The following GUCY2F variants were observed in gnomAD, a reference collection of about 807,000 sequenced individuals.
GUCY2F encodes the protein guanylate cyclase 2F, retinal.
In GUCY2F, 61 loss-of-function variants were observed where a neutral mutation model predicts 73.1. That is an observed-to-expected ratio of 0.83 (90% confidence interval 0.68 to 1.03). The LOEUF is 1.03. GUCY2F is among the 50% of genes least tolerant of loss of function. The pLI, the probability that GUCY2F is intolerant of heterozygous loss-of-function variation, is 0.00. For missense variants in GUCY2F, 912 were observed against 854.3 expected (o/e 1.07, Z -0.84); for synonymous variants, 331 against 307.8 (o/e 1.08, Z -0.79).
At chrX:109,477,237 C>G (rs913735850) in intron 1 of GUCY2F, among the ~76,000 whole-genome samples, 4 of 111,316 alleles carry the variant, frequency 3.6e-5, no homozygotes, top group African/African-American at 6.5e-5. Flanking sequence ...AACTTGGTGA[C>G]TGACAAGATA....
chrX:109,384,298 G>A (rs1417782617), intron 16 of GUCY2F, among the ~76,000 whole-genome samples: 1 of 111,926 alleles, frequency 8.9e-6, no homozygotes, highest in African/African-American at 3.2e-5. Context: ...CCCTTCTAAG[G>A]GCTTAAGTGG....
chrX:109,413,235 C>G (rs1003672306), intron 8 of GUCY2F, among the ~76,000 whole-genome samples: 1 of 111,600 alleles, frequency 9.0e-6, no homozygotes, highest in Non-Finnish European at 1.9e-5. Flanking sequence ...TCTGGACAAC[C>G]CCAGGATGCA....
intron 9 of GUCY2F, among the ~76,000 whole-genome samples, chrX:109,408,242 C>A (rs1288131099): frequency 8.9e-6 from 1 of 112,195 alleles, no homozygotes; most frequent in African/African-American, 3.2e-5. Flanking sequence ...CACTGGATTT[C>A]GGACTTGCAT....
chrX:109,481,108 G>A (rs2300110), intron 1 of GUCY2F, among the ~76,000 whole-genome samples: 2,807 of 43,496 alleles, frequency 0.065, 52 homozygotes, highest in Non-Finnish European at 0.083. Flanking sequence ...GGAAGGAAGG[G>A]AGGGAGGGAG....
Position 109,475,969 on chromosome X carries a change from A to T in GUCY2F, c.-33T>A. The T allele has an allele frequency of 8.7e-7, 1 of 1,154,373 alleles. No individual in the cohort carries two copies. The highest frequency in any genetic ancestry group is 1.2e-6 in the Non-Finnish European group (1 of 864,638). ...CTGCTTCCAGCAAGCTAATGACGAG[A>T]TACTGGAGAGTTATTCTGCTTTCCC... On this transcript the variant is annotated 5_prime_UTR_variant, in exon 2 of 20. Transcript: ENST00000218006.
At chrX:109,407,786 G>A (rs1400881461) in intron 9 of GUCY2F, among the ~76,000 whole-genome samples, 2 of 113,479 alleles carry the variant, frequency 1.8e-5, no homozygotes, top group Non-Finnish European at 3.7e-5. Flanking sequence ...ATGTGGTGTT[G>A]AGCCTGCAGG....
At chrX:109,449,935 A>G (rs971176212) in intron 5 of GUCY2F, among the ~76,000 whole-genome samples, 32 of 111,006 alleles carry the variant, frequency 2.9e-4, no homozygotes, top group African/African-American at 9.2e-4. Context: ...CAATCAAAAC[A>G]TACAGAAAAG....
intron 2 of GUCY2F, among the ~76,000 whole-genome samples, chrX:109,472,577 A>T (rs1932597046): frequency 1.8e-5 from 2 of 112,022 alleles, no homozygotes; most frequent in African/African-American, 6.5e-5. Flanking sequence ...AGTTGAGAGG[A>T]GCTGGAAAAT....
At chrX:109,420,283 AAG>A (rs1365235113) in intron 8 of GUCY2F, among the ~76,000 whole-genome samples, 20 of 100,390 alleles carry the variant, frequency 2.0e-4, no homozygotes, top group Admixed American at 3.3e-4. Flanking sequence ...GGGAGGGGGA[AAG>A]AGAGAGAGAG....
At chrX:109,403,239 C>T (rs1930890150) in intron 10 of GUCY2F, among the ~76,000 whole-genome samples, 1 of 111,265 alleles carries the variant, frequency 9.0e-6, no homozygotes, top group African/African-American at 3.3e-5. Context: ...CACCCACCCC[C>T]ATCTCAGATT....
intron 6 of GUCY2F, among the ~76,000 whole-genome samples, chrX:109,443,530 T>C (rs1931923879): frequency 9.0e-6 from 1 of 111,650 alleles, no homozygotes; most frequent in Admixed American, 9.5e-5. Flanking sequence ...TTTGTTTACC[T>C]GAAGGTAGCA....
chrX:109,376,057 A>G lies in GUCY2F; in HGVS notation c.3239+22T>C, dbSNP rs766995748. 3.4e-5 allele frequency: 40 copies of G among 1,163,503 alleles called. No individual in the cohort carries two copies. In the East Asian group the frequency reaches 6.2e-4, roughly 18 times the overall value. ...CAGAGTATGGCATAGGAAGACTCCA[A>G]TTAAATGTGAACTCCACTTACCCAT... On this transcript the variant is annotated intron_variant, in intron 18 of 19. Coordinates refer to ENST00000218006, the MANE Select transcript of GUCY2F (RefSeq NM_001522.3).
At chrX:109,469,407 G>T (rs1214835162) in intron 2 of GUCY2F, among the ~76,000 whole-genome samples, 3 of 110,586 alleles carry the variant, frequency 2.7e-5, no homozygotes, top group Non-Finnish European at 5.7e-5. Context: ...ACTGGCTATG[G>T]TGTCCTCCAT....
In GUCY2F at chrX:109,453,577, G is replaced by T; in HGVS notation, c.1315C>A (p.His439Asn). ...CTAGGGGGCCTGCCACCAGGGAAGTGAATAGGGGTCCCTCCGAAACGTAGC... is the reference window on the plus strand; with the variant it reads ...CTAGGGGGCCTGCCACCAGGGAAGTTAATAGGGGTCCCTCCGAAACGTAGC... ...ELLRFGGTPI[H>N]FPGGRPPRAD... The change falls in exon 4 of 20, where the codon CAC (histidine) becomes AAC (asparagine). Residue 439 changes from histidine to asparagine, a missense_variant. Physicochemically the swap from His to Asn is moderately conservative, Grantham distance 68. Transcript: ENST00000218006. 1 of 1,209,842 alleles carries T rather than the reference G, an allele frequency of 8.3e-7. No homozygotes were observed. The highest frequency in any genetic ancestry group is 1.1e-6 in the Non-Finnish European group (1 of 893,812).
intron 7 of GUCY2F, among the ~76,000 whole-genome samples, chrX:109,437,851 T>C (rs912053248): frequency 5.3e-5 from 6 of 112,712 alleles, no homozygotes; most frequent in Non-Finnish European, 9.4e-5. Context: ...ATCAGCTCAT[T>C]CCATTTGACA....
At chrX:109,383,368 C>G (rs1028918431) in intron 16 of GUCY2F, 3 of 681,597 alleles carry the variant, frequency 4.4e-6, no homozygotes, top group African/African-American at 4.8e-5. Flanking sequence ...TACCAACCAC[C>G]ATCCACTTGT....
intron 2 of GUCY2F, among the ~76,000 whole-genome samples, chrX:109,465,810 G>A (rs1280045231): frequency 8.9e-6 from 1 of 112,262 alleles, no homozygotes; most frequent in Non-Finnish European, 1.9e-5. Flanking sequence ...ACCGCTCTCT[G>A]TCTCGTCCAT....
At chrX:109,417,648 A>G (rs1430770509) in intron 8 of GUCY2F, among the ~76,000 whole-genome samples, 1 of 111,456 alleles carries the variant, frequency 9.0e-6, no homozygotes, top group African/African-American at 3.2e-5. Flanking sequence ...AACTGTATCA[A>G]TAAGTGCCTT....
chrX:109,470,740 C>G (rs774234717), intron 2 of GUCY2F, among the ~76,000 whole-genome samples: 1 of 111,417 alleles, frequency 9.0e-6, no homozygotes, highest in South Asian at 3.8e-4. Context: ...GGAGGAGGAA[C>G]CCAACAATCT....
Sources: allele counts gnomAD v4.1 joint callset (sites outside exome capture counted in the v4.1 genomes callset), GRCh38; gene constraint gnomAD v4.1.1; transcripts MANE v1.5; gene names NCBI Gene and HGNC (gene_info 2026-07-23, HGNC 2026-07-21).